Variants in SH3RF3 observed in about 807,000 individuals in gnomAD.
The protein encoded by SH3RF3 is E3 ubiquitin-protein ligase SH3RF3.
A neutral mutation model predicts 66.3 loss-of-function variants in SH3RF3; 29 were observed. The ratio of observed to expected loss-of-function variants is 0.44; its 90% CI spans 0.33 to 0.60. The LOEUF is 0.60. Among genes scored for constraint, SH3RF3 ranks in the 20% least tolerant of loss-of-function variants. The pLI, the probability that SH3RF3 is intolerant of heterozygous loss-of-function variation, is 0.04. For missense variants in SH3RF3, 1,194 were observed against 1,190.9 expected (o/e 1.00, Z -0.04); for synonymous variants, 583 against 532.0 (o/e 1.10, Z -1.32).
chr2:109,178,737 T>C (rs1677990761), intron 1 of SH3RF3, among the ~76,000 whole-genome samples: 2 of 152,226 alleles, frequency 1.3e-5, no homozygotes, highest in African/African-American at 4.8e-5. Flanking sequence ...TTTTAATTGG[T>C]GTGTCGTGTA....
intron 2 of SH3RF3, among the ~76,000 whole-genome samples, chr2:109,353,726 T>G (rs557166814): frequency 3.7e-4 from 57 of 152,174 alleles, no homozygotes; most frequent in Non-Finnish European, 7.6e-4. Flanking sequence ...TGCACTGCCC[T>G]TAGGCACTCA....
chr2:109,159,950 A>G (rs1677447254), intron 1 of SH3RF3, among the ~76,000 whole-genome samples: 1 of 152,212 alleles, frequency 6.6e-6, no homozygotes, highest in Non-Finnish European at 1.5e-5. Flanking sequence ...ATTCTATATT[A>G]CAATGTAATA....
intron 7 of SH3RF3, among the ~76,000 whole-genome samples, chr2:109,441,446 G>A (rs894921214): frequency 6.6e-6 from 1 of 152,104 alleles, no homozygotes; most frequent in Admixed American, 6.5e-5. Flanking sequence ...AAACATTGCT[G>A]AAGAAAAAAT....
At chr2:109,494,496 G>A (rs1317892114) in intron 9 of SH3RF3, among the ~76,000 whole-genome samples, 1 of 152,198 alleles carries the variant, frequency 6.6e-6, no homozygotes, top group African/African-American at 2.4e-5. Flanking sequence ...CTCGGGCTGG[G>A]ACAGCACCAG....
intron 9 of SH3RF3, among the ~76,000 whole-genome samples, chr2:109,496,596 C>T (rs1380169646): frequency 6.6e-6 from 1 of 152,226 alleles, no homozygotes. Flanking sequence ...CTGCTTCTCC[C>T]CAGATGTTCA....
intron 4 of SH3RF3, among the ~76,000 whole-genome samples, chr2:109,410,076 G>A (rs935988348): frequency 6.6e-6 from 1 of 152,012 alleles, no homozygotes; most frequent in Non-Finnish European, 1.5e-5. Flanking sequence ...GAACTAATAC[G>A]GCCTGGTTCC....
chr2:109,449,599 C>G (rs1371929918), intron 8 of SH3RF3, 110 bp downstream of exon 8: 2 of 1,349,224 alleles, frequency 1.5e-6, no homozygotes, highest in African/African-American at 3.0e-5. Context: ...AATGTGGGCT[C>G]CAAGTGCCTG....
intron 1 of SH3RF3, among the ~76,000 whole-genome samples, chr2:109,322,296 C>T (rs1682043991): frequency 6.6e-6 from 1 of 152,162 alleles, no homozygotes; most frequent in Non-Finnish European, 1.5e-5. Flanking sequence ...AGATCCTGCT[C>T]TGTAAACCCA....
chr2:109,423,361 G>A (rs939559089), intron 5 of SH3RF3, among the ~76,000 whole-genome samples: 4 of 152,152 alleles, frequency 2.6e-5, no homozygotes, highest in African/African-American at 7.2e-5. Context: ...AGACCTTGCT[G>A]TGATCAGGAG....
intron 1 of SH3RF3, among the ~76,000 whole-genome samples, chr2:109,144,323 A>G (rs1034339368): frequency 1.3e-5 from 2 of 152,220 alleles, no homozygotes; most frequent in African/African-American, 2.4e-5. Context: ...TTATACCTCA[A>G]TAAAACAGGG....
At chr2:109,206,490 C>CAAAAA (rs36060217) in intron 1 of SH3RF3, among the ~76,000 whole-genome samples, 4 of 40,742 alleles carry the variant, frequency 9.8e-5, no homozygotes, top group Non-Finnish European at 1.3e-4. Context: ...GACTCCGTCT[C>CAAAAA]AAAAAAAAAA....
At chr2:109,413,682 G>A (rs144459731) in intron 4 of SH3RF3, among the ~76,000 whole-genome samples, 149 of 152,264 alleles carry the variant, frequency 9.8e-4, no homozygotes, top group African/African-American at 3.1e-3. Context: ...GGGGCAGCAC[G>A]CCTGCCCCCA....
intron 1 of SH3RF3, among the ~76,000 whole-genome samples, chr2:109,142,017 T>C (rs929238895): frequency 6.7e-6 from 1 of 149,136 alleles, no homozygotes; most frequent in Non-Finnish European, 1.5e-5. Context: ...CCTGCCCAAG[T>C]CCTCTTCTGG....
intron 1 of SH3RF3, among the ~76,000 whole-genome samples, chr2:109,239,075 A>G (rs1296638321): frequency 1.3e-5 from 2 of 152,222 alleles, no homozygotes; most frequent in Admixed American, 1.3e-4. Context: ...CCAAATGTCA[A>G]GATGGTTGTA....
chr2:109,250,687 T>C (rs973670293), intron 1 of SH3RF3, among the ~76,000 whole-genome samples: 1 of 151,948 alleles, frequency 6.6e-6, no homozygotes, highest in Non-Finnish European at 1.5e-5. Context: ...CATATTTATA[T>C]CAAAGGAGGA....
At chr2:109,147,471 C>T (rs1490295789) in intron 1 of SH3RF3, among the ~76,000 whole-genome samples, 1 of 152,116 alleles carries the variant, frequency 6.6e-6, no homozygotes, top group Non-Finnish European at 1.5e-5. Context: ...TATAATTTTC[C>T]ATCTACCACT....
intron 2 of SH3RF3, among the ~76,000 whole-genome samples, chr2:109,358,659 G>GT (rs527710840): frequency 1.3e-5 from 2 of 152,146 alleles, no homozygotes; most frequent in South Asian, 4.1e-4. Context: ...AGTTTTAAGA[G>GT]TTTTTTGTGT....
chr2:109,381,763 C>T (rs892168984), intron 3 of SH3RF3, among the ~76,000 whole-genome samples: 3 of 151,986 alleles, frequency 2.0e-5, no homozygotes, highest in African/African-American at 7.2e-5. Flanking sequence ...AAGGTGCTCT[C>T]GCTTCGCAGA....
intron 9 of SH3RF3, among the ~76,000 whole-genome samples, chr2:109,496,968 C>G (rs1679275972): frequency 6.6e-6 from 1 of 152,114 alleles, no homozygotes; most frequent in Non-Finnish European, 1.5e-5. Flanking sequence ...AGGAAGAAGC[C>G]TCCAGAGAAG....
Sources: gnomAD v4.1 joint callset for allele counts (sites outside exome capture counted in the v4.1 genomes callset) on GRCh38, gnomAD v4.1.1 for gene constraint, MANE v1.5 for transcripts, NCBI Gene and HGNC (gene_info 2026-07-23, HGNC 2026-07-21) for gene names.